Variants in FYB1 observed in about 807,000 individuals in gnomAD.
FYB1 encodes FYN-binding protein 1.
A neutral mutation model predicts 94.1 loss-of-function variants in FYB1; 41 were observed. The ratio of observed to expected loss-of-function variants is 0.44; its 90% confidence interval spans 0.34 to 0.57. The LOEUF is 0.57. Ranked by LOEUF, FYB1 falls within the 20% of genes least tolerant of loss-of-function variation. The pLI, the probability that FYB1 is intolerant of heterozygous loss-of-function variation, is 0.02. For synonymous variants in FYB1, 367 were observed against 353.2 expected (o/e 1.04, Z -0.44); for missense variants, 1,050 against 976.8 (o/e 1.07, Z -1.00).
At position 39,138,668 on chromosome 5, in the gene FYB1, T is replaced by A; in HGVS notation, c.1383A>T (p.Thr461=). 1 of 1,524,532 alleles carries A rather than the reference T, an allele frequency of 6.6e-7. No individual in the cohort carries two copies. The highest frequency in any genetic ancestry group is 1.2e-5 in the South Asian group (1 of 85,874). 94.4% of individuals were successfully genotyped at this position (1,524,532 alleles called of 1,614,324 possible). A position where few individuals can be genotyped will look rare whatever the true frequency, so the allele number is the denominator to read the frequency against. Residue 461 remains threonine, a synonymous_variant, in exon 6 of 19, where the codon ACA becomes ACT. Transcript: ENST00000512982. The part of the protein sequence containing the change: ...LDEEQDSEGE[T]YEDIEASKER... ...AATGTAATTCATACATGTCTTCATA[T>A]GTTTCTCCTTCACTGTCTTGTTCCT...
At chr5:39,166,172 C>T (rs1744710897) in intron 2 of FYB1, among the ~76,000 whole-genome samples, 1 of 152,198 alleles carries the variant, frequency 6.6e-6, no homozygotes, top group African/African-American at 2.4e-5. Flanking sequence ...AGCAGTGGCT[C>T]ATGCCTCTAA....
At chr5:39,261,253 A>G (rs1040116593) in intron 1 of FYB1, among the ~76,000 whole-genome samples, 5 of 150,874 alleles carry the variant, frequency 3.3e-5, no homozygotes, top group Non-Finnish European at 5.9e-5. Flanking sequence ...ACATGTACCT[A>G]TGTGACAAAC....
chr5:39,139,468 T>C (rs1378193742), intron 4 of FYB1: 3 of 349,000 alleles, frequency 8.6e-6, no homozygotes, highest in Non-Finnish European at 1.5e-5. Flanking sequence ...ATCATTTCAT[T>C]GGCTTTCATA....
chr5:39,177,739 G>A (rs183686712), intron 2 of FYB1, among the ~76,000 whole-genome samples: 6 of 152,080 alleles, frequency 3.9e-5, no homozygotes, highest in South Asian at 4.2e-4. Flanking sequence ...TCTTTTTCAC[G>A]TCCTGGAGAT....
At chr5:39,225,023 A>G (rs1352659314) in intron 1 of FYB1, among the ~76,000 whole-genome samples, 1 of 152,184 alleles carries the variant, frequency 6.6e-6, no homozygotes, top group Non-Finnish European at 1.5e-5. Flanking sequence ...AAAACCTTAT[A>G]AAAGATGTCA....
chr5:39,114,327 T>C (rs992136858), intron 16 of FYB1, among the ~76,000 whole-genome samples: 1 of 152,098 alleles, frequency 6.6e-6, no homozygotes, highest in Non-Finnish European at 1.5e-5. Context: ...TATTTAAGAG[T>C]TCAACGCCTA....
chr5:39,139,177 A>G, intron 5 of FYB1, 56 bp downstream of exon 5: 7 of 1,393,508 alleles, frequency 5.0e-6, no homozygotes, highest in Non-Finnish European at 6.7e-6. Context: ...GAATCATAAT[A>G]CTTGTGAAAT....
chr5:39,177,521 A>AT (rs1745846340), intron 2 of FYB1, among the ~76,000 whole-genome samples: 1 of 152,198 alleles, frequency 6.6e-6, no homozygotes, highest in Admixed American at 6.5e-5. Flanking sequence ...ACCTAACCAC[A>AT]TTGCTCAATG....
In FYB1 at chr5:39,269,702, A is replaced by G. The variant is rs572565842; in HGVS notation, c.-28+4701T>C. On this transcript the variant is annotated intron_variant, in intron 1 of 1. Coordinates refer to the FYB1 transcript ENST00000510188. ...CCAATGTCTGCAATGCACAATCTCCAATTGAGCAAGCACAGGAGTCATCGT... is the reference window on the plus strand; with the variant it reads ...CCAATGTCTGCAATGCACAATCTCCGATTGAGCAAGCACAGGAGTCATCGT... 9.8e-4 allele frequency: 149 copies of G among 152,278 alleles called. 3 individuals carry two copies. Among genetic ancestry groups the G allele is most frequent in the African/African-American group, 3.4e-3 (141 of 41,550 alleles). The allele number at this position is 152,278 out of a possible 1,614,324, so 9.4% of individuals were successfully genotyped here. A position where few individuals can be genotyped will look rare whatever the true frequency, so the allele number is the denominator to read the frequency against.
At chr5:39,109,083 A>C (rs1442215945) in intron 17 of FYB1, among the ~76,000 whole-genome samples, 1 of 152,108 alleles carries the variant, frequency 6.6e-6, no homozygotes, top group Non-Finnish European at 1.5e-5. Context: ...TAAAATTCAG[A>C]AATGTAGGGT....
chr5:39,142,868 G>A (rs1182784471), intron 3 of FYB1, among the ~76,000 whole-genome samples: 1 of 152,212 alleles, frequency 6.6e-6, no homozygotes, highest in East Asian at 1.9e-4. Flanking sequence ...GACAGTATTG[G>A]CCATTTTGCC....
chr5:39,171,904 A>G (rs1324663399), intron 2 of FYB1, among the ~76,000 whole-genome samples: 2 of 152,160 alleles, frequency 1.3e-5, no homozygotes, highest in Non-Finnish European at 1.5e-5. Context: ...ATGCCATGGC[A>G]TTACCTCTTT....
intron 2 of FYB1, among the ~76,000 whole-genome samples, chr5:39,196,947 G>T (rs1288310099): frequency 6.6e-6 from 1 of 152,196 alleles, no homozygotes; most frequent in Admixed American, 6.5e-5. Flanking sequence ...GTGGTATATA[G>T]CAAGTCCTCA....
chr5:39,234,516 A>T (rs1427140894), intron 1 of FYB1, among the ~76,000 whole-genome samples: 1 of 152,202 alleles, frequency 6.6e-6, no homozygotes, highest in Non-Finnish European at 1.5e-5. Flanking sequence ...TAGAAATACC[A>T]TTTGACCCAG....
At chr5:39,232,856 T>C (rs550522834) in intron 1 of FYB1, among the ~76,000 whole-genome samples, 7 of 152,170 alleles carry the variant, frequency 4.6e-5, no homozygotes, top group Non-Finnish European at 7.3e-5. Context: ...CTGAGAATGA[T>C]GATTTCCAAT....
chr5:39,118,054 C>T (rs1228803574), intron 16 of FYB1, among the ~76,000 whole-genome samples: 1 of 152,030 alleles, frequency 6.6e-6, no homozygotes, highest in Non-Finnish European at 1.5e-5. Context: ...GCGCACACCG[C>T]TACATCTGGC....
chr5:39,265,272 G>A (rs1365821944), intron 1 of FYB1, among the ~76,000 whole-genome samples: 34 of 152,242 alleles, frequency 2.2e-4, no homozygotes. Flanking sequence ...ATGAGGTCAG[G>A]AGATCGAGAC....
chr5:39,263,306 G>A (rs1027687012), intron 1 of FYB1, among the ~76,000 whole-genome samples: 2 of 152,074 alleles, frequency 1.3e-5, no homozygotes, highest in Non-Finnish European at 2.9e-5. Flanking sequence ...TGTGTTATAT[G>A]AGTGCAAGAT....
chr5:39,272,383 G>C (rs1017084738), intron 1 of FYB1, among the ~76,000 whole-genome samples: 2 of 152,062 alleles, frequency 1.3e-5, no homozygotes, highest in African/African-American at 4.8e-5. Context: ...TACTTAATCA[G>C]CCCGGGCGCG....
Sources: gnomAD v4.1 joint callset for allele counts (sites outside exome capture counted in the v4.1 genomes callset) on GRCh38, gnomAD v4.1.1 for gene constraint, MANE v1.5 for transcripts, NCBI Gene and HGNC (gene_info 2026-07-23, HGNC 2026-07-21) for gene names.